SAMD5: variants seen among roughly 807,000 people sequenced by gnomAD.
SAMD5 encodes sterile alpha motif domain-containing protein 5.
Under a neutral mutation model 11.3 loss-of-function variants are expected in SAMD5, and 13 were observed. The observed-to-expected ratio is 1.15, with a 90% CI of 0.75 to 1.83. The LOEUF (loss-of-function observed/expected upper bound fraction) is 1.83. SAMD5 is among the 40% of genes most tolerant of loss of function. The pLI is 0.00. For synonymous variants in SAMD5, 129 were observed against 111.3 expected, an observed-to-expected ratio of 1.16 and a Z score of -1.00; for missense variants, 255 against 239.1, an observed-to-expected ratio of 1.07 and a Z score of -0.44.
the SAMD5 span, among the ~76,000 whole-genome samples, chr6:147,746,893 G>A: frequency 2.0e-5 from 3 of 152,192 alleles, no homozygotes; most frequent in Non-Finnish European, 1.5e-5. Flanking sequence ...TCTTTATGAT[G>A]GGGTTGAGAC....
chr6:147,633,463 A>G (rs1284635745), intron 1 of SAMD5, among the ~76,000 whole-genome samples: 1 of 152,084 alleles, frequency 6.6e-6, no homozygotes, highest in East Asian at 1.9e-4. Flanking sequence ...ATGACTAGGG[A>G]CATCTTCTGC....
At chr6:147,694,461 A>G (rs2128457288) in intron 1 of SAMD5, among the ~76,000 whole-genome samples, 1 of 152,326 alleles carries the variant, frequency 6.6e-6, no homozygotes, top group Middle Eastern at 3.4e-3. Context: ...CCTTCTTCAC[A>G]TATGAAAGGG....
At chr6:147,787,832 C>T in the SAMD5 span, among the ~76,000 whole-genome samples, 1 of 152,170 alleles carries the variant, frequency 6.6e-6, no homozygotes, top group African/African-American at 2.4e-5. Context: ...TCCAACACAA[C>T]ATTCTTACAG....
chr6:147,790,820 C>T, the SAMD5 span, among the ~76,000 whole-genome samples: 1 of 127,284 alleles, frequency 7.9e-6, no homozygotes, highest in Admixed American at 8.3e-5. Context: ...CTCTCTCTCT[C>T]TCTCTCTTCT....
At chr6:147,766,901 C>T in the SAMD5 span, among the ~76,000 whole-genome samples, 1 of 152,116 alleles carries the variant, frequency 6.6e-6, no homozygotes, top group Non-Finnish European at 1.5e-5. Flanking sequence ...AGTCATTTGA[C>T]AGGTCCATTG....
At chr6:147,866,964 T>C in the SAMD5 span, among the ~76,000 whole-genome samples, 6 of 152,188 alleles carry the variant, frequency 3.9e-5, no homozygotes, top group African/African-American at 1.2e-4. Context: ...TATTTTCCAG[T>C]GTGAGAAAGT....
intron 1 of SAMD5, among the ~76,000 whole-genome samples, chr6:147,547,197 A>G (rs1788700376): frequency 6.6e-6 from 1 of 152,240 alleles, no homozygotes; most frequent in African/African-American, 2.4e-5. Context: ...TTAGTTTTCT[A>G]TTGCTGCATA....
At chr6:147,632,837 A>C (rs917506816) in intron 1 of SAMD5, among the ~76,000 whole-genome samples, 1 of 152,232 alleles carries the variant, frequency 6.6e-6, no homozygotes, top group Non-Finnish European at 1.5e-5. Flanking sequence ...TTAACAGGCT[A>C]TTAGGGCAGA....
chr6:147,596,245 T>A (rs6935030), intron 1 of SAMD5, among the ~76,000 whole-genome samples: 7,390 of 152,314 alleles, frequency 0.049, 547 homozygotes, highest in African/African-American at 0.16. Flanking sequence ...TGACTCCTGT[T>A]ACTTTTCCAA....
the SAMD5 span, among the ~76,000 whole-genome samples, chr6:147,867,263 A>G: frequency 2.0e-5 from 3 of 146,918 alleles, no homozygotes; most frequent in East Asian, 2.0e-4. Flanking sequence ...ATACTGTAGC[A>G]TACTTGGTCA....
At chr6:147,913,628 G>A in the SAMD5 span, among the ~76,000 whole-genome samples, 3 of 152,038 alleles carry the variant, frequency 2.0e-5, no homozygotes, top group Admixed American at 6.5e-5. Flanking sequence ...CCCGGGAGGC[G>A]GAGGTTGCAG....
chr6:147,737,394 A>C (rs1358801536), exon 2 of SAMD5: 1 of 1,165,254 alleles, frequency 8.6e-7, no homozygotes, highest in Non-Finnish European at 1.1e-6. Context: ...TCTCAATCCC[A>C]CGCTATTACA....
the SAMD5 span, among the ~76,000 whole-genome samples, chr6:147,833,310 T>C: frequency 6.6e-6 from 1 of 152,230 alleles, no homozygotes. Flanking sequence ...CTCAAAAATA[T>C]GCTTGTTGAA....
chr6:147,638,687 AC>A (rs1238646806), intron 1 of SAMD5, among the ~76,000 whole-genome samples: 37 of 152,078 alleles, frequency 2.4e-4, no homozygotes, highest in African/African-American at 8.9e-4. Context: ...AGTGTGGGAG[AC>A]CTCAATCCTT....
chr6:147,863,274 G>T, the SAMD5 span, among the ~76,000 whole-genome samples: 1 of 152,074 alleles, frequency 6.6e-6, no homozygotes, highest in Admixed American at 6.6e-5. Context: ...GTTTACACAG[G>T]CCCTCAGGAA....
chr6:147,802,858 A>G, the SAMD5 span, among the ~76,000 whole-genome samples: 1 of 152,210 alleles, frequency 6.6e-6, no homozygotes, highest in Admixed American at 6.5e-5. Flanking sequence ...GTTTTTATGG[A>G]CTTCACATGG....
At chr6:147,931,073 C>T in the SAMD5 span, among the ~76,000 whole-genome samples, 1 of 152,190 alleles carries the variant, frequency 6.6e-6, no homozygotes, top group Non-Finnish European at 1.5e-5. Flanking sequence ...TAAAGAATCT[C>T]TGAACTGAGG....
chr6:147,859,768 T>TTG, the SAMD5 span, among the ~76,000 whole-genome samples: 49 of 152,182 alleles, frequency 3.2e-4, 2 homozygotes, highest in South Asian at 9.8e-3. Context: ...GTTTGTTTGT[T>TTG]TTTGTTCTTG....
intron 1 of SAMD5, among the ~76,000 whole-genome samples, chr6:147,671,742 T>G (rs1388886575): frequency 6.6e-6 from 1 of 152,196 alleles, no homozygotes; most frequent in Non-Finnish European, 1.5e-5. Context: ...GTCCTATTTT[T>G]TGAATGTCAA....
Sources: allele counts gnomAD v4.1 joint callset (sites outside exome capture counted in the v4.1 genomes callset), GRCh38; gene constraint gnomAD v4.1.1; transcripts MANE v1.5; gene names NCBI Gene and HGNC (gene_info 2026-07-23, HGNC 2026-07-21).